CACNA2D3: variants seen among roughly 807,000 people sequenced by gnomAD.
The protein encoded by CACNA2D3 is calcium voltage-gated channel auxiliary subunit alpha2delta 3.
CACNA2D3 carries 60 observed loss-of-function variants against 160.6 expected under a neutral mutation model. The observed-to-expected ratio is 0.37, with a 90% CI of 0.30 to 0.46. CACNA2D3 has a LOEUF of 0.46. CACNA2D3 is among the 20% of genes least tolerant of loss of function. CACNA2D3 has a pLI of 1.00. For missense variants in CACNA2D3, 1,205 were observed against 1,365.0 expected, an observed-to-expected ratio of 0.88 and a Z score of 1.85; for synonymous variants, 558 against 492.9, an observed-to-expected ratio of 1.13 and a Z score of -1.75.
chr3:54,239,501 T>A (rs930376073), intron 2 of CACNA2D3, among the ~76,000 whole-genome samples: 3 of 152,232 alleles, frequency 2.0e-5, no homozygotes, highest in Non-Finnish European at 4.4e-5. Context: ...GTAGCTGCAT[T>A]TGAAAAGCTC....
At chr3:54,186,772 T>C (rs1261600328) in intron 2 of CACNA2D3, among the ~76,000 whole-genome samples, 1 of 151,952 alleles carries the variant, frequency 6.6e-6, no homozygotes, top group African/African-American at 2.4e-5. Flanking sequence ...ATAAAGTGGG[T>C]GAATTAAATG....
Position 54,718,459 on chromosome 3 carries a change from G to A in CACNA2D3, c.1168-34140G>A, listed in dbSNP as rs904444219. ...AGTTGATGCAGCACGATTTATGGAA[G>A]ACAGTTTTTCCCATTGGATTATAGT... On this transcript the variant is annotated intron_variant, in intron 11 of 37. Transcript: ENST00000474759. Among the ~76,000 whole-genome samples, 4 of 152,060 alleles carry A rather than the reference G, an allele frequency of 2.6e-5. No homozygotes were observed. The East Asian group carries it at 7.7e-4, about 29-fold the overall frequency.
intron 3 of CACNA2D3, among the ~76,000 whole-genome samples, chr3:54,333,183 G>A (rs1233819135): frequency 2.0e-5 from 3 of 151,990 alleles, no homozygotes; most frequent in Non-Finnish European, 2.9e-5. Context: ...AGAGGTGGTC[G>A]ATTCATGTGT....
At chr3:54,259,006 C>T (rs529230503) in intron 2 of CACNA2D3, among the ~76,000 whole-genome samples, 11 of 152,316 alleles carry the variant, frequency 7.2e-5, no homozygotes. Flanking sequence ...TCCTATCTCC[C>T]ATTTTCTGGT....
chr3:54,860,221 A>T (rs1379265593), intron 17 of CACNA2D3, among the ~76,000 whole-genome samples: 1 of 152,194 alleles, frequency 6.6e-6, no homozygotes, highest in Non-Finnish European at 1.5e-5. Context: ...GTTTATCTGG[A>T]ATATTTAGAA....
At chr3:54,309,347 A>C (rs1176731998) in intron 2 of CACNA2D3, among the ~76,000 whole-genome samples, 6 of 152,256 alleles carry the variant, frequency 3.9e-5, no homozygotes, top group Non-Finnish European at 8.8e-5. Flanking sequence ...ATTCACATGC[A>C]GTTTTATACC....
At chr3:54,277,991 T>C (rs1366761082) in intron 2 of CACNA2D3, among the ~76,000 whole-genome samples, 2 of 152,036 alleles carry the variant, frequency 1.3e-5, no homozygotes, top group African/African-American at 2.4e-5. Flanking sequence ...AATGGACAAA[T>C]GGGATCTAAT....
intron 9 of CACNA2D3, among the ~76,000 whole-genome samples, chr3:54,616,234 C>T (rs899283347): frequency 7.2e-5 from 11 of 152,158 alleles, no homozygotes; most frequent in Admixed American, 7.2e-4. Flanking sequence ...AGGATGTAGG[C>T]TGGGGGCTGG....
intron 3 of CACNA2D3, among the ~76,000 whole-genome samples, chr3:54,324,486 CAT>C (rs1704078753): frequency 6.6e-6 from 1 of 152,152 alleles, no homozygotes; most frequent in African/African-American, 2.4e-5. Context: ...TTTCCATTAA[CAT>C]AATGGTGCCA....
intron 9 of CACNA2D3, among the ~76,000 whole-genome samples, chr3:54,592,113 T>C (rs939358299): frequency 6.6e-6 from 1 of 152,222 alleles, no homozygotes; most frequent in African/African-American, 2.4e-5. Flanking sequence ...CAGCCAATTC[T>C]GGTTTCACAA....
At chr3:54,969,698 C>A in intron 28 of CACNA2D3, 102 bp from the exon 29 acceptor site, 1 of 861,158 alleles carries the variant, frequency 1.2e-6, no homozygotes. Context: ...TAGCCCATGA[C>A]TTGGATAGCT....
At chr3:54,693,962 T>C (rs1334587463) in intron 11 of CACNA2D3, among the ~76,000 whole-genome samples, 2 of 152,172 alleles carry the variant, frequency 1.3e-5, no homozygotes, top group Non-Finnish European at 2.9e-5. Flanking sequence ...GCTTAGATAT[T>C]TATTATTGAA....
At chr3:54,550,727 G>A (rs1575340077) in intron 5 of CACNA2D3, among the ~76,000 whole-genome samples, 1 of 152,210 alleles carries the variant, frequency 6.6e-6, no homozygotes, top group East Asian at 1.9e-4. Context: ...CCTCCCCTTG[G>A]CTCATTTCCC....
In CACNA2D3 at chr3:54,376,689, AATC is replaced by A. The variant is rs550067576; in HGVS notation, c.322-10015_322-10013del. Among the ~76,000 whole-genome samples the A allele has an allele frequency of 5.9e-3, 895 of 152,246 alleles. 3 individuals are homozygous for A. Among genetic ancestry groups the A allele is most frequent in the South Asian group, 0.021 (99 of 4,822 alleles). ...TTAGTGTAATTCTTCCCACATAATT[AATC>A]ATCATCATCAGCAGCAGCAGCAAGA... On this transcript the variant is annotated intron_variant, in intron 3 of 37. Transcript: ENST00000474759.
intron 4 of CACNA2D3, among the ~76,000 whole-genome samples, chr3:54,424,792 A>G (rs538516514): frequency 1.3e-5 from 2 of 152,102 alleles, no homozygotes; most frequent in Non-Finnish European, 2.9e-5. Context: ...CCATATCTGC[A>G]TCTCTCACAT....
chr3:54,432,649 A>G (rs1162253400), intron 4 of CACNA2D3, among the ~76,000 whole-genome samples: 2 of 152,192 alleles, frequency 1.3e-5, no homozygotes, highest in Admixed American at 1.3e-4. Context: ...TTGAAACACT[A>G]CAAACACATT....
At chr3:54,824,338 A>G (rs539223290) in intron 14 of CACNA2D3, among the ~76,000 whole-genome samples, 2 of 152,324 alleles carry the variant, frequency 1.3e-5, no homozygotes, top group African/African-American at 4.8e-5. Context: ...CACCCACCCA[A>G]CATGAGCCTC....
intron 21 of CACNA2D3, among the ~76,000 whole-genome samples, chr3:54,883,548 A>G (rs1575529386): frequency 6.6e-6 from 1 of 152,270 alleles, no homozygotes; most frequent in East Asian, 1.9e-4. Context: ...TCTGAGTGTC[A>G]TTTATAGGTC....
chr3:54,976,745 T>C (rs1339283957), intron 29 of CACNA2D3, among the ~76,000 whole-genome samples: 1 of 152,174 alleles, frequency 6.6e-6, no homozygotes, highest in Non-Finnish European at 1.5e-5. Context: ...GTTTTCCAAG[T>C]TCTGAGTTAA....
Sources: gnomAD v4.1 joint callset for allele counts (sites outside exome capture counted in the v4.1 genomes callset) on GRCh38, gnomAD v4.1.1 for gene constraint, MANE v1.5 for transcripts, NCBI Gene and HGNC (gene_info 2026-07-23, HGNC 2026-07-21) for gene names.